Variants in SMAD1 observed in about 807,000 individuals in gnomAD.
The protein encoded by SMAD1 is SMAD family member 1, also known as MAD, mothers against decapentaplegic homolog 1.
SMAD1 carries 6 observed loss-of-function variants against 41.6 expected under a neutral mutation model. The observed-to-expected ratio is 0.14, with a 90% CI of 0.08 to 0.28. SMAD1 has a LOEUF of 0.28. SMAD1 is among the 10% of genes least tolerant of loss of function. SMAD1 has a pLI of 1.00. For missense variants in SMAD1, 379 were observed against 582.6 expected, an observed-to-expected ratio of 0.65 and a Z score of 3.60; for synonymous variants, 206 against 203.2, an observed-to-expected ratio of 1.01 and a Z score of -0.12.
At chr4:145,531,583 A>G (rs1156397589) in intron 2 of SMAD1, among the ~76,000 whole-genome samples, 2 of 152,124 alleles carry the variant, frequency 1.3e-5, no homozygotes, top group East Asian at 3.9e-4. Flanking sequence ...ATTCTCATCC[A>G]TCAGAAGACT....
At chr4:145,528,304 T>C (rs572284865) in intron 2 of SMAD1, among the ~76,000 whole-genome samples, 1 of 152,140 alleles carries the variant, frequency 6.6e-6, no homozygotes, top group African/African-American at 2.4e-5. Context: ...AGGGATTCAC[T>C]ATGTTGGCCA....
In SMAD1 at chr4:145,546,904, C is replaced by G; in HGVS notation, c.977C>G (p.Thr326Ser). 1 of 1,613,914 alleles carries G rather than the reference C, an allele frequency of 6.2e-7. No homozygotes were observed. The highest frequency in any genetic ancestry group is 1.1e-5 in the South Asian group (1 of 91,082). Residue 326 changes from threonine (T) to serine (S), a missense_variant, in exon 5 of 7, where the codon ACC (threonine) becomes AGC (serine). Physicochemically the swap from Thr to Ser is moderately conservative, Grantham distance 58. Coordinates refer to ENST00000302085, the MANE Select transcript of SMAD1 (RefSeq NM_005900.3). ...AACCGGAATTCCACTATTGAAAACA[C>G]CAGGCGGCATATTGGAAAAGGTGAG... ...NVNRNSTIEN[T>S]RRHIGKGVHL... is the part of the protein sequence containing the mutation.
chr4:145,540,103 C>G, intron 3 of SMAD1, 42 bp downstream of exon 3: 2 of 1,610,022 alleles, frequency 1.2e-6, no homozygotes, highest in South Asian at 1.1e-5. Context: ...TCATATCAGA[C>G]AGTGTTATCA....
chr4:145,489,512 G>C (rs1426232993), intron 1 of SMAD1, among the ~76,000 whole-genome samples: 1 of 152,118 alleles, frequency 6.6e-6, no homozygotes, highest in African/African-American at 2.4e-5. Context: ...TGAAGGCTTG[G>C]TGATTATGTG....
intron 5 of SMAD1, 36 bp downstream of exon 5, chr4:145,546,960 C>A: frequency 6.7e-7 from 1 of 1,485,710 alleles, no homozygotes; most frequent in Non-Finnish European, 9.4e-7. Context: ...AGATGTTTAT[C>A]TGTTGTGTCC....
intron 3 of SMAD1, among the ~76,000 whole-genome samples, chr4:145,540,269 A>G (rs1336419610): frequency 2.6e-5 from 4 of 152,398 alleles, no homozygotes; most frequent in Non-Finnish European, 2.9e-5. Context: ...TCAGGCACAG[A>G]TGCTTGAATA....
chr4:145,546,364 T>TCG, intron 4 of SMAD1: 1 of 228,622 alleles, frequency 4.4e-6, no homozygotes, highest in South Asian at 8.4e-5. Context: ...AGCCAAAGTC[T>TCG]GTGGTAGGGG....
chr4:145,525,939 T>C (rs1730994703), intron 2 of SMAD1: 3 of 152,258 alleles, frequency 2.0e-5, no homozygotes, highest in African/African-American at 7.2e-5. Context: ...ATTGTAATGT[T>C]CATGCTCTGG....
At chr4:145,489,689 G>C (rs1728672618) in intron 1 of SMAD1, among the ~76,000 whole-genome samples, 1 of 152,162 alleles carries the variant, frequency 6.6e-6, no homozygotes, top group South Asian at 2.1e-4. Context: ...AATTTAAGGT[G>C]CGATATCTAA....
chr4:145,538,547 T>G (rs971128473), intron 2 of SMAD1, among the ~76,000 whole-genome samples: 2 of 152,184 alleles, frequency 1.3e-5, no homozygotes, highest in African/African-American at 4.8e-5. Context: ...AAAGTGATAA[T>G]CCAAGTGTTA....
intron 6 of SMAD1, among the ~76,000 whole-genome samples, chr4:145,555,183 T>G (rs1732771312): frequency 6.6e-6 from 1 of 152,190 alleles, no homozygotes; most frequent in Non-Finnish European, 1.5e-5. Context: ...TTTTTACCCT[T>G]TAAAGAGGTT....
Position 145,542,660 on chromosome 4 carries a change from T to C in SMAD1, c.737T>C (p.Met246Thr). ...GGCTCTCAGCCGATGGACACAAACA[T>C]GATGGCGCCTCCCCTGCCCTCAGAA... ...QDGSQPMDTN[M>T]MAPPLPSEIN... The change falls in exon 4 of 7, where the codon ATG becomes ACG. Residue 246 changes from methionine (M) to threonine (T), a missense_variant. Coordinates refer to ENST00000302085, the MANE Select transcript of SMAD1 (RefSeq NM_005900.3). The C allele has an allele frequency of 6.2e-7, 1 of 1,613,054 alleles. No individual in the cohort carries two copies.
At position 145,534,505 on chromosome 4, in the gene SMAD1, C is replaced by G. The variant is rs141333525; in HGVS notation, c.401-5299C>G. Among the ~76,000 whole-genome samples the G allele has an allele frequency of 8.3e-3, 1,261 of 152,306 alleles. 24 individuals carry two copies. Among genetic ancestry groups the G allele is most frequent in the African/African-American group, 0.029 (1,201 of 41,564 alleles). On this transcript the variant is annotated intron_variant, in intron 2 of 6. Coordinates refer to ENST00000302085, the MANE Select transcript of SMAD1 (RefSeq NM_005900.3). ...GAAGAACTGTGAGAGGGGCTGGCCCCTATCGGATATTAAAATCTCTATAAA... is the reference window on the plus strand; with the variant it reads ...GAAGAACTGTGAGAGGGGCTGGCCCGTATCGGATATTAAAATCTCTATAAA...
intron 1 of SMAD1, among the ~76,000 whole-genome samples, chr4:145,507,356 T>C (rs1250558882): frequency 2.0e-5 from 3 of 152,128 alleles, no homozygotes; most frequent in Non-Finnish European, 4.4e-5. Flanking sequence ...TTGTTCATGG[T>C]ACATATAACC....
intron 5 of SMAD1, among the ~76,000 whole-genome samples, chr4:145,548,407 A>G (rs1357095853): frequency 1.3e-5 from 2 of 151,710 alleles, no homozygotes; most frequent in African/African-American, 4.8e-5. Context: ...ATTTTTGTAT[A>G]TTTAGTACAG....
chr4:145,512,293 G>C (rs1730124683), intron 1 of SMAD1, among the ~76,000 whole-genome samples: 1 of 152,200 alleles, frequency 6.6e-6, no homozygotes, highest in Non-Finnish European at 1.5e-5. Context: ...TCTGTTGACA[G>C]TTTTGGAAAA....
At chr4:145,509,017 T>G (rs1180607953) in intron 1 of SMAD1, among the ~76,000 whole-genome samples, 2 of 152,206 alleles carry the variant, frequency 1.3e-5, no homozygotes, top group Admixed American at 6.5e-5. Context: ...GACCAGAGTG[T>G]TGTTGATACT....
chr4:145,525,165 G>A (rs1730962389), intron 2 of SMAD1, among the ~76,000 whole-genome samples: 2 of 152,206 alleles, frequency 1.3e-5, no homozygotes, highest in African/African-American at 4.8e-5. Context: ...TTTACTTTCA[G>A]CCTCTTTGGT....
chr4:145,510,070 G>T (rs1193794496), intron 1 of SMAD1, among the ~76,000 whole-genome samples: 1 of 151,810 alleles, frequency 6.6e-6, no homozygotes. Flanking sequence ...TGTAGCTATA[G>T]ACATGCACCG....
Sources: allele counts gnomAD v4.1 joint callset (sites outside exome capture counted in the v4.1 genomes callset), GRCh38; gene constraint gnomAD v4.1.1; transcripts MANE v1.5; gene names NCBI Gene and HGNC (gene_info 2026-07-23, HGNC 2026-07-21).